LYPLAL1: variants seen among roughly 807,000 people sequenced by gnomAD.
LYPLAL1 encodes lysophospholipase like 1.
A neutral mutation model predicts 19.7 loss-of-function variants in LYPLAL1; 23 were observed. The ratio of observed to expected loss-of-function variants is 1.17; its 90% CI spans 0.84 to 1.65. The LOEUF (loss-of-function observed/expected upper bound fraction) is 1.65. Ranked by LOEUF, LYPLAL1 falls within the 40% of genes most tolerant of loss-of-function variation. The pLI is 0.00. For synonymous variants in LYPLAL1, 119 were observed against 96.3 expected, an observed-to-expected ratio of 1.24 and a Z score of -1.38; for missense variants, 355 against 279.4, an observed-to-expected ratio of 1.27 and a Z score of -1.93.
the LYPLAL1 span, among the ~76,000 whole-genome samples, chr1:219,306,609 T>G: frequency 6.6e-6 from 1 of 151,944 alleles, no homozygotes; most frequent in Non-Finnish European, 1.5e-5. Flanking sequence ...CCTATTAGAC[T>G]TGGACTGGAG....
At chr1:219,360,426 G>A in the LYPLAL1 span, among the ~76,000 whole-genome samples, 10,406 of 152,138 alleles carry the variant, frequency 0.068, 502 homozygotes, top group South Asian at 0.14. Flanking sequence ...ATTCGTACTC[G>A]TAGACATCGG....
chr1:219,354,131 C>G, the LYPLAL1 span, among the ~76,000 whole-genome samples: 2 of 152,146 alleles, frequency 1.3e-5, no homozygotes, highest in African/African-American at 4.8e-5. Context: ...AATATCAAGT[C>G]TATCATACAG....
At chr1:219,368,073 A>C in the LYPLAL1 span, among the ~76,000 whole-genome samples, 1 of 151,106 alleles carries the variant, frequency 6.6e-6, no homozygotes, top group Admixed American at 6.6e-5. Flanking sequence ...TTTTACCTTT[A>C]GTAGCAAATA....
At chr1:219,365,246 A>G in the LYPLAL1 span, among the ~76,000 whole-genome samples, 2 of 152,100 alleles carry the variant, frequency 1.3e-5, no homozygotes, top group Non-Finnish European at 2.9e-5. Flanking sequence ...CAGTTAGACA[A>G]GGTGAAAGGA....
the LYPLAL1 span, among the ~76,000 whole-genome samples, chr1:219,293,188 G>A: frequency 6.6e-6 from 1 of 152,098 alleles, no homozygotes. Context: ...CTTAGCAGAT[G>A]AGCCAGAAAT....
the LYPLAL1 span, among the ~76,000 whole-genome samples, chr1:219,229,879 A>C: frequency 6.6e-6 from 1 of 152,216 alleles, no homozygotes; most frequent in Non-Finnish European, 1.5e-5. Context: ...AATCATACAA[A>C]CTGAAATGAT....
chr1:219,442,772 C>T, the LYPLAL1 span: 1 of 152,130 alleles, frequency 6.6e-6, no homozygotes, highest in Non-Finnish European at 1.5e-5. Context: ...GCCAATCTCG[C>T]CCTATGCCAG....
the LYPLAL1 span, among the ~76,000 whole-genome samples, chr1:219,269,103 A>G: frequency 1.1e-4 from 16 of 152,332 alleles, no homozygotes; most frequent in South Asian, 2.1e-4. Flanking sequence ...ATTGGAAGAG[A>G]AAAGTGTTGT....
intron 2 of LYPLAL1, among the ~76,000 whole-genome samples, chr1:219,182,729 A>G (rs1383748888): frequency 6.6e-6 from 1 of 151,940 alleles, no homozygotes; most frequent in Non-Finnish European, 1.5e-5. Flanking sequence ...TAAACCCATA[A>G]GTTTTTCTGT....
At chr1:219,382,153 A>T in the LYPLAL1 span, among the ~76,000 whole-genome samples, 1 of 152,166 alleles carries the variant, frequency 6.6e-6, no homozygotes, top group Non-Finnish European at 1.5e-5. Context: ...TCCACTTCAC[A>T]ATTTTGTATA....
chr1:219,415,002 TTACAA>T, the LYPLAL1 span, among the ~76,000 whole-genome samples: 4 of 152,156 alleles, frequency 2.6e-5, no homozygotes, highest in Admixed American at 6.5e-5. Flanking sequence ...AGGCACATTA[TTACAA>T]TACTTCAATA....
chr1:219,291,137 ACT>A, the LYPLAL1 span, among the ~76,000 whole-genome samples: 5 of 152,162 alleles, frequency 3.3e-5, no homozygotes, highest in Admixed American at 6.6e-5. Context: ...GTATCAAATA[ACT>A]CTAATTATGA....
chr1:219,233,698 A>G, the LYPLAL1 span, among the ~76,000 whole-genome samples: 3 of 151,920 alleles, frequency 2.0e-5, no homozygotes, highest in African/African-American at 7.3e-5. Flanking sequence ...TGAGACCACG[A>G]GGTCGAGGCT....
the LYPLAL1 span, among the ~76,000 whole-genome samples, chr1:219,314,400 A>C: frequency 1.3e-5 from 2 of 152,210 alleles, no homozygotes; most frequent in Non-Finnish European, 2.9e-5. Context: ...AAATCACCAA[A>C]CTGCTTTCCG....
At chr1:219,210,755 A>T in intron 4 of LYPLAL1, 108 bp downstream of exon 4, 1 of 991,228 alleles carries the variant, frequency 1.0e-6, no homozygotes, top group Non-Finnish European at 1.4e-6. Flanking sequence ...GTTGATGCAC[A>T]GTTGATATGG....
chr1:219,401,534 A>T, the LYPLAL1 span, among the ~76,000 whole-genome samples: 3 of 151,842 alleles, frequency 2.0e-5, no homozygotes, highest in Non-Finnish European at 4.4e-5. Context: ...TTATAAAATT[A>T]TAAAATAGTA....
chr1:219,339,184 A>G, the LYPLAL1 span, among the ~76,000 whole-genome samples: 63 of 152,056 alleles, frequency 4.1e-4, no homozygotes, highest in African/African-American at 1.4e-3. Context: ...TAAGTCATAG[A>G]GAGACATAGA....
the LYPLAL1 span, among the ~76,000 whole-genome samples, chr1:219,404,995 G>C: frequency 6.6e-6 from 1 of 152,174 alleles, no homozygotes; most frequent in South Asian, 2.1e-4. Flanking sequence ...GGAAAAAAAT[G>C]CATAGATAGT....
At chr1:219,338,759 T>C in the LYPLAL1 span, among the ~76,000 whole-genome samples, 2 of 151,978 alleles carry the variant, frequency 1.3e-5, no homozygotes, top group Non-Finnish European at 2.9e-5. Flanking sequence ...ATAGAAAGTT[T>C]AGTAACTCCA....
Sources: allele counts gnomAD v4.1 joint callset (sites outside exome capture counted in the v4.1 genomes callset), GRCh38; gene constraint gnomAD v4.1.1; transcripts MANE v1.5; gene names NCBI Gene and HGNC (gene_info 2026-07-23, HGNC 2026-07-21).